Variants in CXCL13 observed in about 807,000 individuals in gnomAD.
CXCL13 encodes C-X-C motif chemokine 13.
CXCL13 carries 7 observed loss-of-function variants against 12.2 expected under a neutral mutation model. The observed-to-expected ratio is 0.57, with a 90% CI of 0.33 to 1.07. CXCL13 has a LOEUF of 1.07. Among genes scored for constraint, CXCL13 ranks in the 50% least tolerant of loss-of-function variants. The probability of loss-of-function intolerance (pLI) is 0.04; values close to 1 mark genes in which losing one functional copy is unlikely to be tolerated. For missense variants in CXCL13, 113 were observed against 127.4 expected (o/e 0.89, Z 0.55); for synonymous variants, 47 against 42.4 (o/e 1.11, Z -0.42).
chr4:77,600,902 C>A (rs188882814), upstream of CXCL13, among the ~76,000 whole-genome samples: 1 of 152,112 alleles, frequency 6.6e-6, no homozygotes, highest in South Asian at 2.1e-4. Flanking sequence ...TCAAAAAAAT[C>A]TCAAACCTCA....
At chr4:77,556,445 T>G (rs1725661049) in intron 1 of CXCL13, among the ~76,000 whole-genome samples, 1 of 152,022 alleles carries the variant, frequency 6.6e-6, no homozygotes, top group Admixed American at 6.6e-5. Flanking sequence ...TGTCTGGTGG[T>G]TGGGGGTGGT....
intron 1 of CXCL13, among the ~76,000 whole-genome samples, chr4:77,596,340 G>A (rs1726747205): frequency 6.6e-6 from 1 of 152,220 alleles, no homozygotes; most frequent in Admixed American, 6.5e-5. Context: ...TGGCAAGAGT[G>A]TAGCGAAAAG....
intron 1 of CXCL13, among the ~76,000 whole-genome samples, chr4:77,562,961 C>A (rs1173086210): frequency 1.3e-5 from 2 of 152,080 alleles, no homozygotes; most frequent in African/African-American, 2.4e-5. Context: ...CAGTGGCAAC[C>A]CCCATGGGTC....
chr4:77,519,486 TC>T lies in CXCL13; in HGVS notation c.-43+7699del, dbSNP rs565546640. 3.9e-5 allele frequency among the ~76,000 whole-genome samples: 6 copies of T among 152,350 alleles called. No individual in the cohort carries two copies. The South Asian group carries it at 1.2e-3, about 32-fold the overall frequency. Reference sequence around the variant, plus strand: ...ATGACCAGTGATGATGAGCATTTTTTCATGTGTCTGTTGGCTGCATAAATGT... The same window carrying T: ...ATGACCAGTGATGATGAGCATTTTTTATGTGTCTGTTGGCTGCATAAATGT... On this transcript the variant is annotated intron_variant, in intron 1 of 4. Coordinates refer to the CXCL13 transcript ENST00000286758.
chr4:77,553,556 G>A (rs1725583964), intron 1 of CXCL13, among the ~76,000 whole-genome samples: 1 of 152,216 alleles, frequency 6.6e-6, no homozygotes, highest in South Asian at 2.1e-4. Context: ...ATCCCCAGTG[G>A]AAAGGTGAGT....
At chr4:77,566,736 C>T (rs1264678850) in intron 1 of CXCL13, among the ~76,000 whole-genome samples, 1 of 152,126 alleles carries the variant, frequency 6.6e-6, no homozygotes, top group East Asian at 1.9e-4. Context: ...CCTTTTAATC[C>T]TAAATTACCC....
intron 1 of CXCL13, among the ~76,000 whole-genome samples, chr4:77,580,789 T>G (rs1399232743): frequency 9.3e-6 from 1 of 107,050 alleles, no homozygotes; most frequent in Admixed American, 1.1e-4. Flanking sequence ...CCTGCCCTCC[T>G]CTCCCCTTCT....
At chr4:77,599,553 T>C (rs1371919438) in intron 1 of CXCL13, among the ~76,000 whole-genome samples, 1 of 152,136 alleles carries the variant, frequency 6.6e-6, no homozygotes, top group Non-Finnish European at 1.5e-5. Context: ...TAAATTGGAG[T>C]ACTTGGAGAA....
intron 1 of CXCL13, among the ~76,000 whole-genome samples, chr4:77,594,344 C>G (rs1020900899): frequency 6.6e-6 from 1 of 152,160 alleles, no homozygotes; most frequent in Admixed American, 6.5e-5. Context: ...GGCAAAGGTC[C>G]TGGTAGCACC....
intron 1 of CXCL13, among the ~76,000 whole-genome samples, chr4:77,522,370 G>A (rs1159342433): frequency 1.3e-5 from 2 of 152,014 alleles, no homozygotes; most frequent in African/African-American, 2.4e-5. Flanking sequence ...GGGTGCTCCT[G>A]TATTGGGTGC....
chr4:77,608,052 C>T (rs1727034482), intron 2 of CXCL13, among the ~76,000 whole-genome samples: 1 of 152,182 alleles, frequency 6.6e-6, no homozygotes, highest in Non-Finnish European at 1.5e-5. Flanking sequence ...TTTCTTTATT[C>T]AACCACTTTA....
intron 1 of CXCL13, among the ~76,000 whole-genome samples, chr4:77,573,673 G>A (rs778812210): frequency 2.6e-5 from 4 of 151,750 alleles, no homozygotes; most frequent in Non-Finnish European, 4.4e-5. Flanking sequence ...TTTAAAATAC[G>A]GATTTAGGAA....
chr4:77,551,121 A>G (rs949002572), intron 1 of CXCL13, among the ~76,000 whole-genome samples: 2 of 152,216 alleles, frequency 1.3e-5, no homozygotes, highest in Non-Finnish European at 2.9e-5. Flanking sequence ...TAGACCATTT[A>G]CATTCAAAGT....
chr4:77,603,262 G>C (rs62304092), upstream of CXCL13, among the ~76,000 whole-genome samples: 11,266 of 152,190 alleles, frequency 0.074, 525 homozygotes, highest in Middle Eastern at 0.16. Flanking sequence ...AAATGAATTA[G>C]ACACTGTAAG....
intron 1 of CXCL13, among the ~76,000 whole-genome samples, chr4:77,583,382 T>C (rs1300557157): frequency 6.6e-6 from 1 of 152,154 alleles, no homozygotes; most frequent in Non-Finnish European, 1.5e-5. Context: ...GCTCCCTTAC[T>C]CCTGCCACTC....
chr4:77,525,269 G>T (rs192540593), intron 1 of CXCL13, among the ~76,000 whole-genome samples: 2 of 152,322 alleles, frequency 1.3e-5, no homozygotes, highest in East Asian at 1.9e-4. Flanking sequence ...GTTGATGTGT[G>T]TAACAAAGTG....
intron 1 of CXCL13, among the ~76,000 whole-genome samples, chr4:77,540,173 T>C (rs1002486309): frequency 6.6e-6 from 1 of 152,224 alleles, no homozygotes; most frequent in Non-Finnish European, 1.5e-5. Context: ...TAGTACAAGA[T>C]AGAAAAAATT....
At chr4:77,591,758 C>T (rs1726617087) in intron 1 of CXCL13, among the ~76,000 whole-genome samples, 1 of 152,150 alleles carries the variant, frequency 6.6e-6, no homozygotes, top group Admixed American at 6.5e-5. Flanking sequence ...ACAGCCCTGC[C>T]CCAGCTTCAT....
At chr4:77,543,853 T>A (rs1725280568) in intron 1 of CXCL13, among the ~76,000 whole-genome samples, 1 of 152,126 alleles carries the variant, frequency 6.6e-6, no homozygotes, top group Non-Finnish European at 1.5e-5. Context: ...ACCCACTAAC[T>A]CGTCATTTAC....
Sources: allele counts gnomAD v4.1 joint callset (sites outside exome capture counted in the v4.1 genomes callset), GRCh38; gene constraint gnomAD v4.1.1; transcripts MANE v1.5; gene names NCBI Gene and HGNC (gene_info 2026-07-23, HGNC 2026-07-21).